The following ARHGAP12 variants were observed in gnomAD, a reference collection of about 807,000 sequenced individuals.
ARHGAP12 encodes the protein Rho GTPase activating protein 12.
ARHGAP12 carries 64 observed loss-of-function variants against 108.6 expected under a neutral mutation model. The observed-to-expected ratio is 0.59, with a 90% confidence interval of 0.48 to 0.73. The LOEUF is 0.73. ARHGAP12 is among the 30% of genes least tolerant of loss of function. The pLI is 0.00. For synonymous variants in ARHGAP12, 312 were observed against 337.2 expected, an observed-to-expected ratio of 0.93 and a Z score of 0.82; for missense variants, 940 against 1,005.9, an observed-to-expected ratio of 0.93 and a Z score of 0.89.
intron 10 of ARHGAP12, 91 bp from the exon 11 acceptor site, chr10:31,826,476 GT>G: frequency 3.2e-6 from 3 of 938,966 alleles, no homozygotes; most frequent in Non-Finnish European, 4.9e-6. Context: ...TCTTATCAAT[GT>G]TATCTACAAT....
At chr10:31,826,456 C>G in intron 10 of ARHGAP12, 71 bp from the exon 11 acceptor site, 7 of 1,217,866 alleles carry the variant, frequency 5.7e-6, no homozygotes, top group Non-Finnish European at 8.3e-6. Flanking sequence ...AAAATTAAGA[C>G]CTACTTAGCT....
chr10:31,827,861 G>A (rs555445320), intron 10 of ARHGAP12, among the ~76,000 whole-genome samples: 212 of 151,146 alleles, frequency 1.4e-3, no homozygotes, highest in African/African-American at 4.8e-3. Context: ...TCAGAATGTA[G>A]AATTTAATAT....
chr10:31,810,834 A>C (rs1210352405), intron 15 of ARHGAP12, 87 bp from the exon 16 acceptor site: 9 of 968,218 alleles, frequency 9.3e-6, no homozygotes, highest in Non-Finnish European at 1.5e-5. Context: ...CAACAGAAAC[A>C]TCCAGCGTAA....
At chr10:31,906,896 T>C (rs1237867061) in intron 3 of ARHGAP12, among the ~76,000 whole-genome samples, 2 of 152,250 alleles carry the variant, frequency 1.3e-5, no homozygotes, top group South Asian at 2.1e-4. Flanking sequence ...TATAGAAAAA[T>C]TCCAGGAAAG....
chr10:31,820,483 G>A lies in ARHGAP12; in HGVS notation c.1536C>T (p.Gly512=). Residue 512 remains glycine (G), a synonymous_variant, in exon 12 of 20, where the codon GGC becomes GGT. Transcript: ENST00000344936. ...KTQGSSTSWF[G]SNQSKPEFTV... ...TGAACTCTGGTTTGGACTGATTACT[G>A]CCAAACTTCATTTTTGAAAAAGAAA... 2 of 1,575,304 alleles carry A rather than the reference G, an allele frequency of 1.3e-6. No homozygotes were observed. Among genetic ancestry groups the A allele is most frequent in the Admixed American group, 1.9e-5 (1 of 52,640 alleles).
chr10:31,862,910 C>T (rs1837183857), intron 3 of ARHGAP12, among the ~76,000 whole-genome samples: 1 of 152,114 alleles, frequency 6.6e-6, no homozygotes, highest in Non-Finnish European at 1.5e-5. Flanking sequence ...TTCATGAATG[C>T]TTTAAAATAC....
At chr10:31,830,060 G>A (rs1408012204) in intron 10 of ARHGAP12, among the ~76,000 whole-genome samples, 1 of 151,998 alleles carries the variant, frequency 6.6e-6, no homozygotes, top group Non-Finnish European at 1.5e-5. Context: ...TTTTGTCTTA[G>A]AAAACATAGT....
At chr10:31,859,671 C>T (rs2808085) in intron 4 of ARHGAP12, among the ~76,000 whole-genome samples, 77,027 of 151,964 alleles carry the variant, frequency 0.51, 19,771 homozygotes, top group African/African-American at 0.55. Context: ...ATGTATACTT[C>T]AAATTCTTTT....
intron 4 of ARHGAP12, among the ~76,000 whole-genome samples, chr10:31,859,190 G>C (rs1837012963): frequency 6.6e-6 from 1 of 152,126 alleles, no homozygotes; most frequent in African/African-American, 2.4e-5. Context: ...AGAAAGAAGG[G>C]AGACTGAGGG....
intron 3 of ARHGAP12, among the ~76,000 whole-genome samples, chr10:31,883,396 G>A (rs771656428): frequency 1.4e-4 from 21 of 152,214 alleles, no homozygotes; most frequent in Admixed American, 1.3e-3. Context: ...GATAAAAGGT[G>A]AGAAATGGTG....
At chr10:31,858,206 T>A (rs1836959200) in intron 4 of ARHGAP12, among the ~76,000 whole-genome samples, 1 of 151,900 alleles carries the variant, frequency 6.6e-6, no homozygotes, top group South Asian at 2.1e-4. Flanking sequence ...CCCTGTCTCC[T>A]GCCAAAAAAG....
chr10:31,865,834 C>T (rs1213757863), intron 3 of ARHGAP12, among the ~76,000 whole-genome samples: 11 of 149,472 alleles, frequency 7.4e-5, no homozygotes, highest in Admixed American at 6.1e-4. Context: ...GCCAAGACCG[C>T]GACGCTGCAC....
intron 1 of ARHGAP12, among the ~76,000 whole-genome samples, chr10:31,926,712 A>C (rs1395538180): frequency 6.6e-6 from 1 of 152,206 alleles, no homozygotes; most frequent in Non-Finnish European, 1.5e-5. Flanking sequence ...AAATTTGTAA[A>C]GTTCACTTTC....
chr10:31,867,263 T>G (rs1837363111), intron 3 of ARHGAP12, among the ~76,000 whole-genome samples: 1 of 152,072 alleles, frequency 6.6e-6, no homozygotes, highest in South Asian at 2.1e-4. Flanking sequence ...GCTTAAATCC[T>G]CAATTTTCAA....
At chr10:31,812,609 T>C in intron 15 of ARHGAP12, 98 bp downstream of exon 15, 1 of 756,956 alleles carries the variant, frequency 1.3e-6, no homozygotes, top group Non-Finnish European at 2.1e-6. Context: ...TAAAGAATAA[T>C]ATTCTTACTG....
rs556450598 is a variant in ARHGAP12 at position 31,918,244 on chromosome 10, A to C, written c.-110-7681T>G. Among the ~76,000 whole-genome samples the C allele has an allele frequency of 4.0e-5, 6 of 151,858 alleles. No individual in the cohort carries two copies. The East Asian group carries it at 1.2e-3, about 30-fold the overall frequency. On this transcript the variant is annotated intron_variant, in intron 1 of 19. Coordinates refer to ENST00000344936, the MANE Select transcript of ARHGAP12 (RefSeq NM_018287.7). ...TGAGAACATAATACCATCATAAATT[A>C]AGGAGCATCTGTATATAAGCGGCCA... is the stretch of plus-strand genomic sequence containing the variant.
chr10:31,810,693 A>G lies in ARHGAP12; in HGVS notation c.2006T>C (p.Val669Ala), dbSNP rs1027430729. Residue 669 changes from valine to alanine, a missense_variant, in exon 16 of 20, where the codon GTA becomes GCA. Physicochemically the swap from Val to Ala is moderately conservative, Grantham distance 64 (BLOSUM62 0). Coordinates refer to ENST00000344936, the MANE Select transcript of ARHGAP12 (RefSeq NM_018287.7). Reference protein sequence around the residue: ...ANLCQRENGTVPKFVKLCIEH... With the variant: ...ANLCQRENGTAPKFVKLCIEH... ...AATACATAACTTCACAAACTTTGGT[A>G]CTGTGCCATTCTCTCTCTGACACAG... 3.7e-6 allele frequency: 6 copies of G among 1,608,300 alleles called. No individual in the cohort carries two copies. Among genetic ancestry groups the G allele is most frequent in the Non-Finnish European group, 5.1e-6 (6 of 1,177,686 alleles).
intron 1 of ARHGAP12, among the ~76,000 whole-genome samples, chr10:31,924,873 GAAGA>G (rs1319200867): frequency 6.6e-6 from 1 of 151,930 alleles, no homozygotes. Flanking sequence ...ATGTTTGTGA[GAAGA>G]AAGAAAAAAA....
rs183658351 is a variant in ARHGAP12, at chr10:31,926,548, T to C, written c.-111+2135A>G. Among the ~76,000 whole-genome samples the C allele has an allele frequency of 2.2e-3, 334 of 152,376 alleles. 2 individuals carry two copies. The highest frequency in any genetic ancestry group is 6.8e-3 in the Middle Eastern group (2 of 294). Reference sequence around the variant, plus strand: ...TTTCACTTTTCTCTCCCATGATTTATTGTAAAACTGTGATGCCCATTTTCT... The same window carrying C: ...TTTCACTTTTCTCTCCCATGATTTACTGTAAAACTGTGATGCCCATTTTCT... On this transcript the variant is annotated intron_variant, in intron 1 of 19. Transcript: ENST00000344936.
Sources: gnomAD v4.1 joint callset for allele counts (sites outside exome capture counted in the v4.1 genomes callset) on GRCh38, gnomAD v4.1.1 for gene constraint, MANE v1.5 for transcripts, NCBI Gene and HGNC (gene_info 2026-07-23, HGNC 2026-07-21) for gene names.